Variants in ABCG2 observed in about 807,000 individuals in gnomAD.
The protein encoded by ABCG2 is ATP binding cassette subfamily G member 2 (JR blood group), also known as broad substrate specificity ATP-binding cassette transporter ABCG2.
A neutral mutation model predicts 73.5 loss-of-function variants in ABCG2; 80 were observed. That is an observed-to-expected ratio of 1.09 (90% CI 0.91 to 1.31). The LOEUF (loss-of-function observed/expected upper bound fraction) is 1.31. Ranked by LOEUF, ABCG2 falls within the 50% of genes most tolerant of loss-of-function variation. ABCG2 has a pLI of 0.00. For missense variants in ABCG2, 796 were observed against 786.2 expected (o/e 1.01, Z -0.15); for synonymous variants, 269 against 282.4 (o/e 0.95, Z 0.48).
upstream of ABCG2, among the ~76,000 whole-genome samples, chr4:88,161,012 C>CA (rs991557548): frequency 5.5e-4 from 82 of 147,790 alleles, no homozygotes; most frequent in Admixed American, 2.1e-3. Flanking sequence ...CCTATCTCTA[C>CA]AAAAAAAAAA....
rs1723737122 is a variant in ABCG2 at position 88,118,257 on chromosome 4, C to T, written c.693G>A (p.Met231Ile). The change falls in exon 7 of 16, where the codon ATG becomes ATA. Residue 231 changes from methionine to isoleucine, a missense_variant. By Grantham distance (10) the Met-to-Ile change is conservative. Transcript: ENST00000237612. ...AGATGATTGTTCGTCCCTGCTTAGA[C>T]ATCCTAAGTTAAAAGTGAGACAATA... ...ANAVLLLLKR[M>I]SKQGRTIIFS... The T allele has an allele frequency of 2.5e-6, 4 of 1,613,740 alleles. No homozygotes were observed. Among genetic ancestry groups the T allele is most frequent in the Non-Finnish European group, 3.4e-6 (4 of 1,179,772 alleles).
chr4:88,137,466 G>C (rs779598452), intron 2 of ABCG2, among the ~76,000 whole-genome samples: 7 of 152,204 alleles, frequency 4.6e-5, no homozygotes, highest in African/African-American at 7.2e-5. Flanking sequence ...ACATGACCAA[G>C]TGATCAATTT....
At chr4:88,195,786 G>A (rs576790358) in intron 1 of ABCG2, among the ~76,000 whole-genome samples, 2 of 152,166 alleles carry the variant, frequency 1.3e-5, no homozygotes, top group Non-Finnish European at 2.9e-5. Context: ...CTGTCTGCAT[G>A]CACAGTGGCC....
At chr4:88,144,074 G>A (rs1276961018) in intron 1 of ABCG2, among the ~76,000 whole-genome samples, 1 of 152,098 alleles carries the variant, frequency 6.6e-6, no homozygotes, top group Non-Finnish European at 1.5e-5. Flanking sequence ...TTATATCAAG[G>A]AAAATACCCA....
At chr4:88,121,586 T>G (rs754453448) in intron 6 of ABCG2, 49 bp downstream of exon 6, 1 of 1,555,112 alleles carries the variant, frequency 6.4e-7, no homozygotes, top group South Asian at 1.2e-5. Flanking sequence ...ATCTGGGACA[T>G]AGTAGTGATA....
chr4:88,127,061 T>C (rs1724470718), intron 5 of ABCG2, among the ~76,000 whole-genome samples: 2 of 152,192 alleles, frequency 1.3e-5, no homozygotes, highest in Admixed American at 6.5e-5. Flanking sequence ...TGAAGGCTGA[T>C]AAGCAACTTC....
chr4:88,214,653 A>ACGTTGAG (rs1255002241), intron 1 of ABCG2, among the ~76,000 whole-genome samples: 1 of 151,928 alleles, frequency 6.6e-6, no homozygotes, highest in Non-Finnish European at 1.5e-5. Context: ...TGAGCCCAGG[A>ACGTTGAG]GTTCAAGACC....
chr4:88,171,106 G>A (rs987871088), intron 1 of ABCG2, among the ~76,000 whole-genome samples: 1 of 151,976 alleles, frequency 6.6e-6, no homozygotes, highest in Non-Finnish European at 1.5e-5. Flanking sequence ...CAACAGACAC[G>A]GGTCTACTTG....
intron 1 of ABCG2, among the ~76,000 whole-genome samples, chr4:88,151,451 A>C (rs1207633223): frequency 6.6e-6 from 1 of 152,228 alleles, no homozygotes; most frequent in African/African-American, 2.4e-5. Context: ...AAAAATTATG[A>C]ACAGAGGCTG....
intron 1 of ABCG2, among the ~76,000 whole-genome samples, chr4:88,172,259 A>T (rs1043668421): frequency 6.8e-6 from 1 of 147,730 alleles, no homozygotes; most frequent in Non-Finnish European, 1.5e-5. Context: ...ACACCACTGC[A>T]CTCCAGCCTG....
At chr4:88,095,451 T>A (rs1039142319) in intron 14 of ABCG2, 69 bp downstream of exon 14, 2 of 1,383,756 alleles carry the variant, frequency 1.4e-6, no homozygotes, top group Non-Finnish European at 2.1e-6. Context: ...GGAAATGAGA[T>A]GAGGACACTT....
At chr4:88,140,104 T>C in intron 1 of ABCG2, 90 bp from the exon 2 acceptor site, 2 of 1,132,648 alleles carry the variant, frequency 1.8e-6, no homozygotes, top group Non-Finnish European at 2.5e-6. Flanking sequence ...AAGTCCATTT[T>C]TAAATGTGCG....
At chr4:88,140,147 C>T (rs767452704) in intron 1 of ABCG2, 133 bp from the exon 2 acceptor site, 2 of 737,842 alleles carry the variant, frequency 2.7e-6, no homozygotes, top group Non-Finnish European at 2.2e-6. Flanking sequence ...ATGAATGGCC[C>T]ATACCATTGT....
intron 5 of ABCG2, among the ~76,000 whole-genome samples, chr4:88,129,686 G>C (rs915493223): frequency 6.6e-6 from 1 of 152,124 alleles, no homozygotes; most frequent in African/African-American, 2.4e-5. Flanking sequence ...ATAATATGAA[G>C]TATACACCAT....
At chr4:88,166,288 C>T (rs968145429) in intron 1 of ABCG2, among the ~76,000 whole-genome samples, 2 of 152,108 alleles carry the variant, frequency 1.3e-5, no homozygotes, top group African/African-American at 2.4e-5. Flanking sequence ...ATTGCATAAC[C>T]GAACATAATC....
At chr4:88,156,322 C>T (rs1726936156) in intron 1 of ABCG2, among the ~76,000 whole-genome samples, 2 of 135,610 alleles carry the variant, frequency 1.5e-5, no homozygotes, top group Admixed American at 9.2e-5. Flanking sequence ...GTGCAGTGAG[C>T]CGAGATCGTG....
At chr4:88,147,859 G>A (rs1468907092) in intron 1 of ABCG2, among the ~76,000 whole-genome samples, 3 of 152,276 alleles carry the variant, frequency 2.0e-5, no homozygotes, top group Middle Eastern at 3.4e-3. Flanking sequence ...GCACAAATCC[G>A]AAGCAAACCT....
At chr4:88,186,052 C>T (rs1159558453) in intron 1 of ABCG2, among the ~76,000 whole-genome samples, 1 of 152,162 alleles carries the variant, frequency 6.6e-6, no homozygotes, top group African/African-American at 2.4e-5. Flanking sequence ...ACAGAGATAT[C>T]TGCACTCCTA....
intron 6 of ABCG2, among the ~76,000 whole-genome samples, chr4:88,119,459 C>G (rs1261584344): frequency 6.6e-6 from 1 of 152,152 alleles, no homozygotes; most frequent in Non-Finnish European, 1.5e-5. Context: ...AAGAAGAAGA[C>G]AGGAAGATGT....
Sources: gnomAD v4.1 joint callset for allele counts (sites outside exome capture counted in the v4.1 genomes callset) on GRCh38, gnomAD v4.1.1 for gene constraint, MANE v1.5 for transcripts, NCBI Gene and HGNC (gene_info 2026-07-23, HGNC 2026-07-21) for gene names.